ANO10: variants seen among roughly 807,000 people sequenced by gnomAD.
The protein encoded by ANO10 is anoctamin-10.
ANO10 carries 77 observed loss-of-function variants against 74.7 expected under a neutral mutation model. The observed-to-expected ratio is 1.03, with a 90% CI of 0.86 to 1.25. The LOEUF is 1.25. ANO10 is among the 50% of genes most tolerant of loss of function. ANO10 has a pLI of 0.00. For synonymous variants in ANO10, 279 were observed against 284.9 expected, an observed-to-expected ratio of 0.98 and a Z score of 0.21; for missense variants, 721 against 778.1, an observed-to-expected ratio of 0.93 and a Z score of 0.87.
chr3:43,599,260 C>T (rs1340201800), intron 3 of ANO10, among the ~76,000 whole-genome samples: 1 of 152,180 alleles, frequency 6.6e-6, no homozygotes, highest in African/African-American at 2.4e-5. Context: ...AGTCTAATCA[C>T]ATCTTCTAAC....
At chr3:43,443,938 T>TC (rs34242508) in intron 11 of ANO10, among the ~76,000 whole-genome samples, 2 of 152,104 alleles carry the variant, frequency 1.3e-5, no homozygotes, top group Admixed American at 1.3e-4. Context: ...TGCCTCGGCC[T>TC]CCCAAAGTGC....
At chr3:43,526,403 G>A (rs564098169) in intron 11 of ANO10, among the ~76,000 whole-genome samples, 6 of 152,294 alleles carry the variant, frequency 3.9e-5, no homozygotes, top group African/African-American at 1.4e-4. Context: ...CAGCCACGGA[G>A]AAGCGTCAGC....
Position 43,661,862 on chromosome 3 carries a change from T to C in ANO10, c.-12+29655A>G, listed in dbSNP as rs866411984. On this transcript the variant is annotated intron_variant, in intron 1 of 3. Coordinates refer to the ANO10 transcript ENST00000413397. ...ATTTATCAAGAAGAGCTAACTATCC[T>C]AAATATATATGCAACCAATACAGTT... 5.9e-5 allele frequency among the ~76,000 whole-genome samples: 9 copies of C among 152,342 alleles called. No individual in the cohort carries two copies. In the South Asian group the frequency reaches 8.3e-4, roughly 14 times the overall value.
intron 10 of ANO10, among the ~76,000 whole-genome samples, chr3:43,554,186 CTTTTT>C (rs58374632): frequency 7.8e-6 from 1 of 128,724 alleles, no homozygotes; most frequent in Non-Finnish European, 1.7e-5. Flanking sequence ...AGTGATTTTT[CTTTTT>C]TTTTTTTTTT....
chr3:43,460,310 T>C (rs1331568531), intron 11 of ANO10, among the ~76,000 whole-genome samples: 2 of 152,206 alleles, frequency 1.3e-5, no homozygotes, highest in East Asian at 3.8e-4. Flanking sequence ...AAGAGTGATA[T>C]GGAAGTTCAT....
intron 2 of ANO10, among the ~76,000 whole-genome samples, chr3:43,604,675 C>G (rs2082481828): frequency 6.6e-6 from 1 of 151,992 alleles, no homozygotes; most frequent in South Asian, 2.1e-4. Flanking sequence ...TTTTTATGAT[C>G]GCCCAAAAAG....
intron 11 of ANO10, among the ~76,000 whole-genome samples, chr3:43,533,104 T>TA (rs1415264723): frequency 6.6e-6 from 1 of 152,126 alleles, no homozygotes; most frequent in Admixed American, 6.5e-5. Context: ...AATGAGCTGT[T>TA]AGCAGAAAAA....
intron 1 of ANO10, among the ~76,000 whole-genome samples, chr3:43,621,609 C>T (rs1242246165): frequency 6.6e-6 from 1 of 152,184 alleles, no homozygotes; most frequent in Non-Finnish European, 1.5e-5. Flanking sequence ...CGCCTCACCG[C>T]CTTTCTCTCA....
At chr3:43,554,674 C>A (rs545519867) in intron 10 of ANO10, among the ~76,000 whole-genome samples, 1 of 152,278 alleles carries the variant, frequency 6.6e-6, no homozygotes, top group African/African-American at 2.4e-5. Flanking sequence ...AAACCACTGG[C>A]ATCCAGGGGG....
intron 12 of ANO10, among the ~76,000 whole-genome samples, chr3:43,375,321 G>A (rs866335030): frequency 3.3e-5 from 5 of 150,682 alleles, no homozygotes; most frequent in East Asian, 3.9e-4. Flanking sequence ...GGTGGCGGGC[G>A]CCTGTAATCC....
intron 12 of ANO10, among the ~76,000 whole-genome samples, chr3:43,419,162 G>C (rs886821788): frequency 6.6e-6 from 1 of 152,218 alleles, no homozygotes; most frequent in African/African-American, 2.4e-5. Context: ...AGCTAGCTTC[G>C]CAAGAGGAAG....
chr3:43,485,130 G>A, intron 11 of ANO10: 2 of 851,652 alleles, frequency 2.3e-6, no homozygotes, highest in Non-Finnish European at 3.9e-6. Context: ...TTCATCTGGT[G>A]GAGTGATCTG....
intron 7 of ANO10, among the ~76,000 whole-genome samples, chr3:43,570,679 C>T (rs2080656229): frequency 6.8e-6 from 1 of 146,676 alleles, no homozygotes; most frequent in African/African-American, 2.5e-5. Flanking sequence ...ATACAAAAAT[C>T]AATTCAAGAT....
Position 43,366,761 on chromosome 3 carries a change from G to C in ANO10, c.*145C>G. 1.2e-6 allele frequency: 1 copy of C among 813,326 alleles called. No individual in the cohort carries two copies. The highest frequency in any genetic ancestry group is 2.1e-6 in the Non-Finnish European group (1 of 487,132). The allele number at this position is 813,326 out of a possible 1,614,324, so 50.4% of individuals were successfully genotyped here. A position where few individuals can be genotyped will look rare whatever the true frequency, so the allele number is the denominator to read the frequency against. On this transcript the variant is annotated 3_prime_UTR_variant, in exon 13 of 13. Transcript: ENST00000292246. ...CACTGCGAAACTGAGAAGGGTGCTT[G>C]CCACATGGGAGCCACTTCGTTTGGC...
intron 11 of ANO10, among the ~76,000 whole-genome samples, chr3:43,520,013 TCTC>T (rs1178305611): frequency 1.3e-5 from 2 of 152,032 alleles, no homozygotes; most frequent in Non-Finnish European, 2.9e-5. Flanking sequence ...ACCTAAATCA[TCTC>T]CTCTTTATTC....
chr3:43,675,154 G>T (rs1456602649), intron 1 of ANO10, among the ~76,000 whole-genome samples: 1 of 152,014 alleles, frequency 6.6e-6, no homozygotes, highest in Non-Finnish European at 1.5e-5. Context: ...TATGGTGTTG[G>T]AACAATTGGA....
In ANO10 at chr3:43,635,620, CT is replaced by C. The variant is rs1245285633; in HGVS notation, c.-11-29758del. ...TTCGTATAATCTGGTAAGCTCTGAT[CT>C]TTTTTTTTTTTTTTTCTGAGACGGA... is the stretch of plus-strand genomic sequence containing the variant. On this transcript the variant is annotated intron_variant, in intron 1 of 3. Coordinates refer to the ANO10 transcript ENST00000413397. Among the ~76,000 whole-genome samples, 765 of 140,166 alleles carry C rather than the reference CT, an allele frequency of 5.5e-3. 2 individuals carry two copies. The highest frequency in any genetic ancestry group is 0.011 in the Middle Eastern group (3 of 276). 92.0% of individuals were successfully genotyped at this position (140,166 alleles called of 152,430 possible).
At chr3:43,649,195 T>A (rs972908140) in intron 1 of ANO10, among the ~76,000 whole-genome samples, 2 of 152,206 alleles carry the variant, frequency 1.3e-5, no homozygotes, top group Admixed American at 6.5e-5. Context: ...ACCATGTAGG[T>A]TCATGTCTTG....
intron 12 of ANO10, among the ~76,000 whole-genome samples, chr3:43,426,610 T>C (rs1408989842): frequency 6.6e-6 from 1 of 152,192 alleles, no homozygotes; most frequent in Admixed American, 6.5e-5. Context: ...GCAGGTTAAG[T>C]GGATGTTGTC....
Sources: allele counts gnomAD v4.1 joint callset (sites outside exome capture counted in the v4.1 genomes callset), GRCh38; gene constraint gnomAD v4.1.1; transcripts MANE v1.5; gene names NCBI Gene and HGNC (gene_info 2026-07-23, HGNC 2026-07-21).